The following ALG8 variants were observed in gnomAD, a reference collection of about 807,000 sequenced individuals.
The protein encoded by ALG8 is ALG8 alpha-1,3-glucosyltransferase, also known as dolichyl pyrophosphate Glc1Man9GlcNAc2 alpha-1,3-glucosyltransferase.
Under a neutral mutation model 70.2 loss-of-function variants are expected in ALG8, and 48 were observed. The ratio of observed to expected loss-of-function variants is 0.68; its 90% CI spans 0.54 to 0.87. The LOEUF is 0.87. ALG8 is among the 40% of genes least tolerant of loss of function. The probability of loss-of-function intolerance (pLI) is 0.00; values close to 1 mark genes in which losing one functional copy is unlikely to be tolerated. For missense variants in ALG8, 572 were observed against 608.7 expected (o/e 0.94, Z 0.64); for synonymous variants, 234 against 229.0 (o/e 1.02, Z -0.20).
intron 3 of ALG8, among the ~76,000 whole-genome samples, chr11:78,123,332 A>G (rs1480800323): frequency 5.3e-5 from 5 of 94,566 alleles, no homozygotes; most frequent in African/African-American, 1.2e-4. Flanking sequence ...AAAAAAAAAA[A>G]AAAAGAAAAA....
intron 1 of ALG8, among the ~76,000 whole-genome samples, chr11:78,131,013 C>A (rs1327914873): frequency 1.3e-5 from 2 of 151,972 alleles, no homozygotes; most frequent in Non-Finnish European, 2.9e-5. Context: ...CTTTTTTACT[C>A]TCTTTGGAGA....
At chr11:78,117,236 T>G (rs927087801) in intron 5 of ALG8, among the ~76,000 whole-genome samples, 2 of 152,208 alleles carry the variant, frequency 1.3e-5, no homozygotes, top group African/African-American at 4.8e-5. Flanking sequence ...CTTCAGTTAA[T>G]GGTTCTCAAG....
Position 78,104,052 on chromosome 11 carries a change from T to G in ALG8, c.1277A>C (p.Glu426Ala), listed in dbSNP as rs1466934805. The G allele has an allele frequency of 6.7e-7, 1 of 1,488,218 alleles. No homozygotes were observed. 92.2% of individuals were successfully genotyped at this position (1,488,218 alleles called of 1,614,324 possible). ...SLFPLLFTAP[E>A]LPIKILLMLL... is the part of the protein sequence containing the mutation. ...CATGAGTAAGATTTTAATGGGAAGT[T>G]CTGTTAAAAGAATAGAAAAAAAAAG... Residue 426 changes from glutamate (E) to alanine (A), a missense_variant and splice_region_variant, in exon 12 of 13, where the codon GAA (glutamate) becomes GCA (alanine). Physicochemically the swap from Glu to Ala is moderately radical, Grantham distance 107. Coordinates refer to ENST00000299626, the MANE Select transcript of ALG8 (RefSeq NM_024079.5).
At chr11:78,107,004 C>A in intron 9 of ALG8, 58 bp from the exon 10 acceptor site, 2 of 1,598,836 alleles carry the variant, frequency 1.3e-6, no homozygotes, top group Non-Finnish European at 1.7e-6. Flanking sequence ...TTTACAGAAA[C>A]AGAGTTCAGG....
chr11:78,129,659 T>C (rs1325338532), intron 1 of ALG8, among the ~76,000 whole-genome samples: 3 of 152,196 alleles, frequency 2.0e-5, no homozygotes, highest in Non-Finnish European at 4.4e-5. Context: ...TTTCACTCAT[T>C]CTCTCACAAG....
At chr11:78,139,024 A>G (rs2136958101) in intron 1 of ALG8, 1 of 347,364 alleles carries the variant, frequency 2.9e-6, no homozygotes, top group South Asian at 2.3e-5. Flanking sequence ...CACCTTCTAA[A>G]GGAATAGCGC....
rs537769949 is a variant in ALG8 at position 78,117,867 on chromosome 11, G to C, written c.546+1315C>G. The stretch of plus-strand genomic sequence containing the variant: ...AGGTGGGCAGATCACGAGGTCAGGA[G>C]ATCAAGACCATACTGTAAATGGTGA... On this transcript the variant is annotated intron_variant, in intron 5 of 12. Transcript: ENST00000299626. Among the ~76,000 whole-genome samples, 6 of 152,010 alleles carry C rather than the reference G, an allele frequency of 3.9e-5. No individual in the cohort carries two copies. The East Asian group carries it at 9.7e-4, about 25-fold the overall frequency.
Position 78,114,300 on chromosome 11 carries a change from C to T in ALG8, c.639G>A (p.Leu213=). ...TTGCAGTGAAACAGTAGGATCGCAG[C>T]AGATATACACCATAAGCTGGTGCTA... The part of the protein sequence containing the change: ...LYVAPAYGVY[L]LRSYCFTANK... Residue 213 remains leucine, a synonymous_variant, in exon 6 of 13, where the codon CTG becomes CTA. Coordinates refer to ENST00000299626, the MANE Select transcript of ALG8 (RefSeq NM_024079.5). 1 of 1,614,046 alleles carries T rather than the reference C, an allele frequency of 6.2e-7. No individual in the cohort carries two copies. Among genetic ancestry groups the T allele is most frequent in the East Asian group, 2.2e-5 (1 of 44,866 alleles).
chr11:78,134,848 G>C (rs1408718302), intron 1 of ALG8, among the ~76,000 whole-genome samples: 1 of 152,150 alleles, frequency 6.6e-6, no homozygotes, highest in Non-Finnish European at 1.5e-5. Flanking sequence ...TTCCAATGAA[G>C]TCTTGAACCC....
chr11:78,120,950 C>T (rs1860795881), intron 4 of ALG8, 115 bp downstream of exon 4: 1 of 991,122 alleles, frequency 1.0e-6, no homozygotes, highest in African/African-American at 1.6e-5. Flanking sequence ...TAACCCACCC[C>T]ACACTCATTT....
intron 3 of ALG8, 162 bp from the exon 4 acceptor site, chr11:78,121,336 G>C (rs1303594149): frequency 1.6e-6 from 1 of 639,660 alleles, no homozygotes; most frequent in Admixed American, 2.6e-5. Context: ...TAGAAGGGAT[G>C]GGGTATCACT....
In ALG8 at chr11:78,106,681, C is replaced by CATCT. The variant is rs3831385; in HGVS notation, c.1178+122_1178+125dup. The CATCT allele has an allele frequency of 0.013, 16,748 of 1,253,158 alleles. 1,652 individuals are homozygous for CATCT. In the African/African-American group the frequency reaches 0.22, roughly 16 times the overall value. The allele number at this position is 1,253,158 out of a possible 1,614,324, so 77.6% of individuals were successfully genotyped here. On this transcript the variant is annotated intron_variant, in intron 10 of 12. Coordinates refer to ENST00000299626, the MANE Select transcript of ALG8 (RefSeq NM_024079.5). ...AGCATCCCTGTCCTGTCCTAGTGGA[C>CATCT]ATCTGTTCCTATACATCTTTGTTTT...
Position 78,132,305 on chromosome 11 carries a change from C to A in ALG8, c.96-4869G>T, listed in dbSNP as rs531627552. Among the ~76,000 whole-genome samples, 3 of 152,274 alleles carry A rather than the reference C, an allele frequency of 2.0e-5. No individual in the cohort carries two copies. In the East Asian group the frequency reaches 5.8e-4, roughly 29 times the overall value. ...AAGGCAAAATAAATCTTTAATTTGT[C>A]CATTTCTATCTCTAATGCCACCACT... On this transcript the variant is annotated intron_variant, in intron 1 of 12. Transcript: ENST00000299626.
chr11:78,129,209 A>T (rs1020779221), intron 1 of ALG8, among the ~76,000 whole-genome samples: 2 of 151,878 alleles, frequency 1.3e-5, no homozygotes, highest in Non-Finnish European at 2.9e-5. Context: ...TCACGAGGTC[A>T]GGAGATCAAG....
intron 8 of ALG8, among the ~76,000 whole-genome samples, chr11:78,111,877 A>C (rs1860306226): frequency 6.6e-6 from 1 of 152,052 alleles, no homozygotes; most frequent in Non-Finnish European, 1.5e-5. Flanking sequence ...TGGGTTTTTC[A>C]TTTCTTCTCA....
chr11:78,104,832 C>T (rs371578237), intron 10 of ALG8, among the ~76,000 whole-genome samples: 141 of 151,756 alleles, frequency 9.3e-4, no homozygotes, highest in African/African-American at 3.3e-3. Flanking sequence ...GGCATGGTGG[C>T]GGGTGCTTGT....
In ALG8 at chr11:78,136,592, A is replaced by G. The variant is rs956892193; in HGVS notation, c.95+2902T>C. Among the ~76,000 whole-genome samples, 7 of 152,274 alleles carry G rather than the reference A, an allele frequency of 4.6e-5. No individual in the cohort carries two copies. The East Asian group carries it at 9.6e-4, about 21-fold the overall frequency. ...TCTCAACAGTGGGCTTATTCAGTAA[A>G]CCATGCTGTAAATAGATGTGCTGTC... On this transcript the variant is annotated intron_variant, in intron 1 of 12. Coordinates refer to ENST00000299626, the MANE Select transcript of ALG8 (RefSeq NM_024079.5).
intron 8 of ALG8, among the ~76,000 whole-genome samples, chr11:78,110,865 A>AG (rs1860254841): frequency 6.6e-6 from 1 of 152,170 alleles, no homozygotes; most frequent in African/African-American, 2.4e-5. Flanking sequence ...CCTAAAACAA[A>AG]GTTGTCTAAC....
intron 7 of ALG8, among the ~76,000 whole-genome samples, chr11:78,113,117 G>A (rs113359127): frequency 7.9e-5 from 12 of 152,164 alleles, no homozygotes; most frequent in Non-Finnish European, 1.8e-4. Flanking sequence ...GATGTGACGC[G>A]TTTCAGTTTT....
Sources: allele counts gnomAD v4.1 joint callset (sites outside exome capture counted in the v4.1 genomes callset), GRCh38; gene constraint gnomAD v4.1.1; transcripts MANE v1.5; gene names NCBI Gene and HGNC (gene_info 2026-07-23, HGNC 2026-07-21).